OLFM1: variants seen among roughly 807,000 people sequenced by gnomAD.
OLFM1 encodes the protein olfactomedin 1.
A neutral mutation model predicts 49.7 loss-of-function variants in OLFM1; 9 were observed. The observed-to-expected ratio is 0.18, with a 90% CI of 0.11 to 0.32. The LOEUF (loss-of-function observed/expected upper bound fraction) is 0.32, where lower values mean the gene tolerates loss of function less well. Ranked by LOEUF, OLFM1 falls within the 10% of genes least tolerant of loss-of-function variation. The pLI is 1.00. For synonymous variants in OLFM1, 240 were observed against 271.8 expected (o/e 0.88, Z 1.15); for missense variants, 369 against 661.8 (o/e 0.56, Z 4.85).
At chr9:135,097,738 A>G (rs1421570446) in intron 3 of OLFM1, 2 of 1,493,772 alleles carry the variant, frequency 1.3e-6, no homozygotes, top group Non-Finnish European at 1.9e-6. Context: ...CAGGCAGGCT[A>G]GTGAGCTAGT....
rs1830619524 is a variant in OLFM1, at chr9:135,087,781, C to CT, written c.-208dup. The CT allele has an allele frequency of 1.7e-6, 1 of 593,538 alleles. No individual in the cohort carries two copies. Among genetic ancestry groups the CT allele is most frequent in the Admixed American group, 6.6e-5 (1 of 15,264 alleles). 36.8% of individuals were successfully genotyped at this position (593,538 alleles called of 1,614,324 possible). A position where few individuals can be genotyped will look rare whatever the true frequency, so the allele number is the denominator to read the frequency against. On this transcript the variant is annotated 5_prime_UTR_variant, in exon 1 of 6. Coordinates refer to ENST00000371793, the MANE Select transcript of OLFM1 (RefSeq NM_001282611.2). Reference sequence around the variant, plus strand: ...GCAGGGCGCGGCGGGCAGAGGCCACCTGGCCACCTTCCCTGGCGCCCGGGG... The same window carrying CT: ...GCAGGGCGCGGCGGGCAGAGGCCACCTTGGCCACCTTCCCTGGCGCCCGGGG...
chr9:135,076,016 C>A, intron 1 of OLFM1: 1 of 1,445,044 alleles, frequency 6.9e-7, no homozygotes, highest in Non-Finnish European at 9.1e-7. Context: ...GCTCCTCCAG[C>A]CCCGGCTCAG....
chr9:135,091,927 TCACA>T (rs1395304918), intron 2 of OLFM1, among the ~76,000 whole-genome samples: 3 of 145,606 alleles, frequency 2.1e-5, no homozygotes, highest in Non-Finnish European at 3.0e-5. Context: ...TCACACACGT[TCACA>T]CACACACAAT....
intron 1 of OLFM1, chr9:135,076,546 G>A (rs758546265): frequency 1.8e-5 from 21 of 1,152,114 alleles, no homozygotes; most frequent in Non-Finnish European, 2.1e-5. Context: ...CTTGGGGGAG[G>A]AGAAGGGCTG....
rs1252810075 is a variant in OLFM1, at chr9:135,119,750, A to T, written c.1030A>T (p.Met344Leu). ...RSLDYAGYNN[M>L]YHYAWGGHSD... ...CCTGGACTATGCCGGTTACAACAACATGTACCACTACGCCTGGGGTGGCCA... is the reference window on the plus strand; with the variant it reads ...CCTGGACTATGCCGGTTACAACAACTTGTACCACTACGCCTGGGGTGGCCA... Residue 344 changes from methionine (M) to leucine (L), a missense_variant, in exon 6 of 6, where the codon ATG becomes TTG. Met to Leu is a conservative substitution (Grantham distance 15). Coordinates refer to ENST00000371793, the MANE Select transcript of OLFM1 (RefSeq NM_001282611.2). 2.5e-6 allele frequency: 4 copies of T among 1,613,998 alleles called. No individual in the cohort carries two copies. The highest frequency in any genetic ancestry group is 3.4e-6 in the Non-Finnish European group (4 of 1,180,026).
At chr9:135,101,699 G>T (rs565280187) in intron 4 of OLFM1, among the ~76,000 whole-genome samples, 1 of 152,304 alleles carries the variant, frequency 6.6e-6, no homozygotes, top group Admixed American at 6.5e-5. Flanking sequence ...TGAGCTGGGC[G>T]TGGGGCCCTC....
At chr9:135,078,342 C>T (rs960792679) in intron 1 of OLFM1, among the ~76,000 whole-genome samples, 1 of 152,178 alleles carries the variant, frequency 6.6e-6, no homozygotes, top group African/African-American at 2.4e-5. Context: ...CATACGTCGA[C>T]ATAAGAAGAT....
Position 135,119,945 on chromosome 9 carries a change from T to G in OLFM1, c.1225T>G (p.Cys409Gly). ...KRSAGEAFII[C>G]GTLYVTNGYS... The stretch of plus-strand genomic sequence containing the variant: ...CAGCGCCGGGGAGGCCTTCATCATC[T>G]GCGGCACGCTGTACGTCACCAACGG... The change falls in exon 6 of 6, where the codon TGC becomes GGC. Residue 409 changes from cysteine (C) to glycine (G), a missense_variant. By Grantham distance (159) the Cys-to-Gly change is radical (BLOSUM62 -3). This residue lies in a region of OLFM1 where 294 missense variants were observed against 567.5 expected (regional missense o/e 0.52). Coordinates refer to ENST00000371793, the MANE Select transcript of OLFM1 (RefSeq NM_001282611.2). The G allele has an allele frequency of 6.2e-7, 1 of 1,613,644 alleles. No individual in the cohort carries two copies. Among genetic ancestry groups the G allele is most frequent in the Non-Finnish European group, 8.5e-7 (1 of 1,180,034 alleles).
intron 1 of OLFM1, chr9:135,076,707 T>C: frequency 7.0e-7 from 1 of 1,423,908 alleles, no homozygotes; most frequent in Non-Finnish European, 9.2e-7. Context: ...ACTCTGGCCC[T>C]TTGGAGTTGC....
At chr9:135,102,157 C>T (rs1830879181) in intron 4 of OLFM1, among the ~76,000 whole-genome samples, 1 of 152,220 alleles carries the variant, frequency 6.6e-6, no homozygotes, top group Non-Finnish European at 1.5e-5. Context: ...GCCCCCGTCC[C>T]AGCTCGGGAT....
Position 135,101,816 on chromosome 9 carries a change from C to T in OLFM1, c.676+3311C>T, listed in dbSNP as rs78304830. 4.7e-3 allele frequency among the ~76,000 whole-genome samples: 715 copies of T among 152,346 alleles called. 4 individuals carry two copies. The highest frequency in any genetic ancestry group is 8.6e-3 in the Admixed American group (132 of 15,302). ...TGCTCTACCCATGGAGCTCCCGGGG[C>T]GTGGCATGTGCCTGTCAGCTTCAGG... is the stretch of plus-strand genomic sequence containing the variant. On this transcript the variant is annotated intron_variant, in intron 4 of 5. Coordinates refer to ENST00000371793, the MANE Select transcript of OLFM1 (RefSeq NM_001282611.2).
At chr9:135,110,028 A>G (rs1467752585) in intron 5 of OLFM1, among the ~76,000 whole-genome samples, 1 of 152,182 alleles carries the variant, frequency 6.6e-6, no homozygotes, top group Non-Finnish European at 1.5e-5. Flanking sequence ...AGAGCCCCCA[A>G]GTTCTTCTCA....
intron 4 of OLFM1, among the ~76,000 whole-genome samples, chr9:135,104,456 C>T (rs1051148037): frequency 2.0e-5 from 3 of 152,148 alleles, no homozygotes; most frequent in African/African-American, 4.8e-5. Context: ...TGGTTCCGGG[C>T]GTTAGTGTGG....
rs778127217 is a variant in OLFM1 at position 135,119,774 on chromosome 9, C to T, written c.1054C>T (p.His352Tyr). Residue 352 changes from histidine to tyrosine, a missense_variant, in exon 6 of 6, where the codon CAC (histidine) becomes TAC (tyrosine). Physicochemically the swap from His to Tyr is moderately conservative, Grantham distance 83 (BLOSUM62 2). Around this residue, in one of 3 missense-constraint regions of OLFM1, gnomAD observed 294 missense variants for 567.5 expected, o/e 0.52. Coordinates refer to ENST00000371793, the MANE Select transcript of OLFM1 (RefSeq NM_001282611.2). The part of the protein sequence containing the change: ...NNMYHYAWGG[H>Y]SDIDLMVDES... Reference sequence around the variant, plus strand: ...CATGTACCACTACGCCTGGGGTGGCCACTCGGACATCGACCTCATGGTGGA... The same window carrying T: ...CATGTACCACTACGCCTGGGGTGGCTACTCGGACATCGACCTCATGGTGGA... 6.2e-7 allele frequency: 1 copy of T among 1,613,980 alleles called. No individual in the cohort carries two copies. The highest frequency in any genetic ancestry group is 1.1e-5 in the South Asian group (1 of 91,090).
chr9:135,097,621 G>T (rs1830818117), intron 3 of OLFM1, among the ~76,000 whole-genome samples: 1 of 152,124 alleles, frequency 6.6e-6, no homozygotes, highest in South Asian at 2.1e-4. Context: ...TTGTGACGAG[G>T]GAATCTCAAT....
intron 5 of OLFM1, among the ~76,000 whole-genome samples, chr9:135,116,958 T>C (rs1831104496): frequency 6.8e-6 from 1 of 146,584 alleles, no homozygotes; most frequent in Non-Finnish European, 1.5e-5. Flanking sequence ...AAGAAGGTTA[T>C]AATTTTTTTT....
rs1830658860 is a variant in OLFM1 at position 135,090,063 on chromosome 9, TGGGACC to T, written c.151-131_151-126del. 9.4e-6 allele frequency: 8 copies of T among 846,748 alleles called. No homozygotes were observed. The Admixed American group carries it at 1.9e-4, about 20-fold the overall frequency. The allele number at this position is 846,748 out of a possible 1,614,324, so 52.5% of individuals were successfully genotyped here. ...TCTTCCCTTTGGGTCAAACATGTCT[TGGGACC>T]ATTTCCTCCCATCTTTTCCTTGGGG... On this transcript the variant is annotated intron_variant, in intron 1 of 5. Coordinates refer to ENST00000371793, the MANE Select transcript of OLFM1 (RefSeq NM_001282611.2).
At chr9:135,082,234 G>A (rs1830542091) in intron 1 of OLFM1, among the ~76,000 whole-genome samples, 3 of 152,218 alleles carry the variant, frequency 2.0e-5, no homozygotes, top group Admixed American at 1.3e-4. Context: ...ATGGGAATGA[G>A]GTCGGCTCCC....
intron 3 of OLFM1, among the ~76,000 whole-genome samples, chr9:135,096,484 T>C (rs1053051821): frequency 4.6e-5 from 7 of 152,180 alleles, no homozygotes; most frequent in African/African-American, 1.7e-4. Flanking sequence ...CCCTTGGCAG[T>C]AGGGAGGCCA....
Sources: allele counts gnomAD v4.1 joint callset (sites outside exome capture counted in the v4.1 genomes callset), GRCh38; gene constraint gnomAD v4.1.1; regional missense constraint gnomAD v4.1.1; transcripts MANE v1.5; gene names NCBI Gene and HGNC (gene_info 2026-07-23, HGNC 2026-07-21).